Variants in KCNQ2 observed in about 807,000 individuals in gnomAD.
The protein encoded by KCNQ2 is potassium voltage-gated channel subfamily Q member 2, also known as potassium voltage-gated channel subfamily KQT member 2.
In KCNQ2, 14 loss-of-function variants were observed where a neutral mutation model predicts 84.8. The observed-to-expected ratio is 0.17, with a 90% CI of 0.11 to 0.26. The LOEUF is 0.26. Among genes scored for constraint, KCNQ2 ranks in the 10% least tolerant of loss-of-function variants. The pLI is 1.00. For missense variants in KCNQ2, 788 were observed against 1,254.0 expected, an observed-to-expected ratio of 0.63 and a Z score of 5.61; for synonymous variants, 599 against 554.1, an observed-to-expected ratio of 1.08 and a Z score of -1.14.
Position 63,460,967 on chromosome 20 carries a change from A to G in KCNQ2, c.296+11201T>C, listed in dbSNP as rs1286280874. On this transcript the variant is annotated intron_variant, in intron 1 of 16. Transcript: ENST00000359125. The surrounding 1 kb of genome is among the most constrained non-coding windows in gnomAD (Gnocchi z 5.4). ...CATCTTGCCCATGAGAAGTGTGGAC[A>G]GTATGCCGTTAACACCACAGCGGGA... 2.0e-5 allele frequency: 3 copies of G among 152,250 alleles called. No homozygotes were observed. The highest frequency in any genetic ancestry group is 4.4e-5 in the Non-Finnish European group (3 of 68,038). The allele number at this position is 152,250 out of a possible 1,614,324, so 9.4% of individuals were successfully genotyped here.
intron 5 of KCNQ2, among the ~76,000 whole-genome samples, chr20:63,442,097 C>T (rs984696664): frequency 2.0e-5 from 3 of 152,170 alleles, no homozygotes; most frequent in African/African-American, 4.8e-5. Context: ...CCCCAATAAT[C>T]GGGACACGGA....
chr20:63,411,269 C>T (rs2080112615), intron 15 of KCNQ2, among the ~76,000 whole-genome samples: 2 of 152,306 alleles, frequency 1.3e-5, no homozygotes, highest in South Asian at 2.1e-4. Flanking sequence ...AGAGATGCGG[C>T]TCCACCTGCT....
chr20:63,436,330 G>A (rs1156726322), intron 7 of KCNQ2, among the ~76,000 whole-genome samples: 1 of 152,224 alleles, frequency 6.6e-6, no homozygotes, highest in Non-Finnish European at 1.5e-5. Flanking sequence ...AGGAGATCGA[G>A]ACCATCCTGG....
chr20:63,468,829 A>G (rs1422216219), intron 1 of KCNQ2, among the ~76,000 whole-genome samples: 4 of 152,180 alleles, frequency 2.6e-5, no homozygotes, highest in African/African-American at 9.6e-5. Context: ...TGGCAAGATC[A>G]AGCAATCTGC....
intron 5 of KCNQ2, among the ~76,000 whole-genome samples, chr20:63,442,169 G>A (rs1204328279): frequency 1.3e-5 from 2 of 152,248 alleles, no homozygotes; most frequent in East Asian, 3.9e-4. Context: ...CAGGAGGAAG[G>A]AAGATGCCCA....
At chr20:63,461,101 T>G (rs1057036231) in intron 1 of KCNQ2, 1 of 152,168 alleles carries the variant, frequency 6.6e-6, no homozygotes, top group African/African-American at 2.4e-5. Flanking sequence ...GCTTTCCCAG[T>G]CTCCTGCGGT....
intron 1 of KCNQ2, among the ~76,000 whole-genome samples, chr20:63,450,011 G>A (rs1051774612): frequency 6.6e-6 from 1 of 151,710 alleles, no homozygotes; most frequent in Non-Finnish European, 1.5e-5. Flanking sequence ...ACAACCCTGC[G>A]CTGCCTGCGC....
intron 1 of KCNQ2, among the ~76,000 whole-genome samples, chr20:63,464,194 G>A (rs947194929): frequency 1.3e-5 from 2 of 152,186 alleles, no homozygotes; most frequent in African/African-American, 4.8e-5. Context: ...GCGAGAGGCC[G>A]CCCAGCATCC....
rs3810472 is a variant in KCNQ2 at position 63,406,707 on chromosome 20, C to T, written c.2556G>A (p.Pro852=). Residue 852 remains proline (P), a synonymous_variant, in exon 17 of 17, where the codon CCG becomes CCA. Coordinates refer to ENST00000359125, the MANE Select transcript of KCNQ2 (RefSeq NM_172107.4). The stretch of plus-strand genomic sequence containing the variant: ...GACCCTCGCCGGTGGCCGAGCGTGG[C>T]GGGGGCCCGCACGGGGTACAGAGGT... ...DSDLCTPCGP[P]PRSATGEGPF... The T allele has an allele frequency of 7.3e-4, 1,167 of 1,602,394 alleles. 27 individuals are homozygous for T. In the East Asian group the frequency reaches 0.026, roughly 35 times the overall value.
In KCNQ2 at chr20:63,407,452, T is replaced by TG. The variant is rs1222060291; in HGVS notation, c.1888-78dup. The TG allele has an allele frequency of 3.3e-6, 5 of 1,517,540 alleles. No individual in the cohort carries two copies. The highest frequency in any genetic ancestry group is 4.5e-6 in the Non-Finnish European group (5 of 1,118,592). The allele number at this position is 1,517,540 out of a possible 1,614,324, so 94.0% of individuals were successfully genotyped here. A position where few individuals can be genotyped will look rare whatever the true frequency, so the allele number is the denominator to read the frequency against. On this transcript the variant is annotated intron_variant, in intron 16 of 16. Coordinates refer to ENST00000359125, the MANE Select transcript of KCNQ2 (RefSeq NM_172107.4). This position sits in a 1 kb window ranked among gnomAD's most constrained non-coding sequence, Gnocchi z 7.2. ...GGGGACCCAGGCTGCTCCCAGGAAA[T>TG]GGGGGGGCCCAGGCTGGTTCCAGGA...
rs963569890 is a variant in KCNQ2 at position 63,466,159 on chromosome 20, G to T, written c.296+6009C>A. 3.3e-5 allele frequency among the ~76,000 whole-genome samples: 5 copies of T among 152,264 alleles called. No individual in the cohort carries two copies. The East Asian group carries it at 9.7e-4, about 29-fold the overall frequency. The stretch of plus-strand genomic sequence containing the variant: ...AGGAAGACAATCCCCCAAACTACCC[G>T]GCACACACAGGGCAGGCACCTTCGT... On this transcript the variant is annotated intron_variant, in intron 1 of 16. Coordinates refer to ENST00000359125, the MANE Select transcript of KCNQ2 (RefSeq NM_172107.4).
chr20:63,433,476 A>C (rs1017244855), intron 8 of KCNQ2: 3 of 539,774 alleles, frequency 5.6e-6, no homozygotes, highest in Non-Finnish European at 9.9e-6. Context: ...CAGCCCGGGG[A>C]GCAGCTGTCG....
At chr20:63,413,291 CTT>C (rs1339011828) in intron 15 of KCNQ2, 157 bp downstream of exon 15, 1 of 770,488 alleles carries the variant, frequency 1.3e-6, no homozygotes, top group Non-Finnish European at 2.1e-6. Flanking sequence ...TTAAAACAGA[CTT>C]TGTGAAGACA....
intron 14 of KCNQ2, 120 bp from the exon 15 acceptor site, chr20:63,413,701 G>GAT: frequency 9.0e-7 from 1 of 1,113,252 alleles, no homozygotes; most frequent in South Asian, 1.4e-5. Flanking sequence ...TGCCCCTCTT[G>GAT]TCTGCCGCCC....
At position 63,412,008 on chromosome 20, in the gene KCNQ2, CCA is replaced by C. The variant is rs1779447266; in HGVS notation, c.1763+1440_1763+1441del. On this transcript the variant is annotated intron_variant, in intron 15 of 16. Transcript: ENST00000359125. ...AGGCTCCGTCGAAACAGGTGCTCTC[CCA>C]CAGAGGGTGTGGACGCCGCCTCGCT... The C allele has an allele frequency of 4.8e-6, 3 of 621,690 alleles. No homozygotes were observed. In the Admixed American group the frequency reaches 8.3e-5, roughly 17 times the overall value. 38.5% of individuals were successfully genotyped at this position (621,690 alleles called of 1,614,324 possible). A position where few individuals can be genotyped will look rare whatever the true frequency, so the allele number is the denominator to read the frequency against.
intron 4 of KCNQ2, chr20:63,443,859 C>T (rs1377929672): frequency 6.6e-6 from 1 of 152,232 alleles, no homozygotes; most frequent in African/African-American, 2.4e-5. Context: ...ACGGCCAGCC[C>T]ACCGTGCCCT....
chr20:63,445,141 C>T, intron 3 of KCNQ2, 97 bp downstream of exon 3: 2 of 1,543,476 alleles, frequency 1.3e-6, no homozygotes, highest in Non-Finnish European at 1.8e-6. Flanking sequence ...TGCCCAGCCT[C>T]TCTGGCCCAC....
At chr20:63,429,843 C>T (rs1037238857) in intron 9 of KCNQ2, among the ~76,000 whole-genome samples, 5 of 152,176 alleles carry the variant, frequency 3.3e-5, no homozygotes, top group South Asian at 2.1e-4. Context: ...CTGGTAAAGC[C>T]GTGCCTGGCC....
intron 9 of KCNQ2, among the ~76,000 whole-genome samples, chr20:63,430,861 T>A (rs1031293001): frequency 6.6e-6 from 1 of 152,174 alleles, no homozygotes; most frequent in African/African-American, 2.4e-5. Flanking sequence ...ACAAGGACTG[T>A]GGCTGGTCTG....
Sources: gnomAD v4.1 joint callset for allele counts (sites outside exome capture counted in the v4.1 genomes callset) on GRCh38, gnomAD v4.1.1 for gene constraint, Gnocchi (gnomAD v3.1) non-coding constraint, MANE v1.5 for transcripts, NCBI Gene and HGNC (gene_info 2026-07-23, HGNC 2026-07-21) for gene names.